Variants in LRRTM4 observed in about 807,000 individuals in gnomAD.
The protein encoded by LRRTM4 is leucine-rich repeat transmembrane neuronal protein 4.
In LRRTM4, 25 loss-of-function variants were observed where a neutral mutation model predicts 47.6. The observed-to-expected ratio is 0.53, with a 90% CI of 0.38 to 0.73. LRRTM4 has a LOEUF of 0.73. LRRTM4 is among the 30% of genes least tolerant of loss of function. The pLI is 0.00. For missense variants in LRRTM4, 638 were observed against 713.4 expected, an observed-to-expected ratio of 0.89 and a Z score of 1.20; for synonymous variants, 311 against 269.5, an observed-to-expected ratio of 1.15 and a Z score of -1.51.
At chr2:76,969,792 T>G (rs1212699847) in intron 3 of LRRTM4, among the ~76,000 whole-genome samples, 1 of 152,000 alleles carries the variant, frequency 6.6e-6, no homozygotes, top group African/African-American at 2.4e-5. Flanking sequence ...TTATCTTCAT[T>G]AAACCTCACA....
chr2:77,459,060 A>T (rs1466056178), intron 3 of LRRTM4, among the ~76,000 whole-genome samples: 3 of 152,044 alleles, frequency 2.0e-5, no homozygotes, highest in African/African-American at 7.2e-5. Flanking sequence ...GAAATACATC[A>T]CAATCTGTTA....
chr2:77,083,822 T>TC (rs1680610027), intron 3 of LRRTM4, among the ~76,000 whole-genome samples: 3 of 119,838 alleles, frequency 2.5e-5, no homozygotes, highest in Admixed American at 9.3e-5. Context: ...TTTTTTTTTT[T>TC]CAGACGGAGT....
Position 76,934,991 on chromosome 2 carries a change from T to A in LRRTM4, c.1552-186075A>T, listed in dbSNP as rs1034834490. On this transcript the variant is annotated intron_variant, in intron 3 of 3. Transcript: ENST00000409884. ...AGGAAAAAAAAAAAGATGACTTAGA[T>A]AGGAATTTTAATTAAATATGCTGAT... Among the ~76,000 whole-genome samples, 5 of 150,578 alleles carry A rather than the reference T, an allele frequency of 3.3e-5. No homozygotes were observed. In the East Asian group the frequency reaches 7.7e-4, roughly 23 times the overall value.
At chr2:77,231,360 C>T (rs778293147) in intron 3 of LRRTM4, among the ~76,000 whole-genome samples, 13 of 152,116 alleles carry the variant, frequency 8.5e-5, no homozygotes, top group South Asian at 2.1e-4. Flanking sequence ...AAAATTATAA[C>T]GGAATCTTAT....
At chr2:77,379,294 C>T (rs76994718) in intron 3 of LRRTM4, among the ~76,000 whole-genome samples, 11 of 151,928 alleles carry the variant, frequency 7.2e-5, no homozygotes, top group East Asian at 3.9e-4. Context: ...TTTTTTCCCC[C>T]GCTATCTTTT....
intron 3 of LRRTM4, among the ~76,000 whole-genome samples, chr2:77,319,687 T>A (rs1358969588): frequency 2.0e-5 from 3 of 152,134 alleles, no homozygotes; most frequent in African/African-American, 7.2e-5. Flanking sequence ...CAAATAGGAG[T>A]GTATGTCGTA....
intron 3 of LRRTM4, among the ~76,000 whole-genome samples, chr2:77,018,352 A>G (rs905483453): frequency 2.0e-5 from 3 of 147,744 alleles, no homozygotes; most frequent in African/African-American, 5.0e-5. Context: ...TGATACCAGC[A>G]GGACTCCTAA....
chr2:77,155,862 A>G (rs973089327), intron 3 of LRRTM4, among the ~76,000 whole-genome samples: 20 of 152,156 alleles, frequency 1.3e-4, no homozygotes, highest in Admixed American at 2.6e-4. Flanking sequence ...AAAAATATCT[A>G]TCACATAACA....
chr2:77,343,315 T>C (rs1315120135), intron 3 of LRRTM4, among the ~76,000 whole-genome samples: 1 of 151,940 alleles, frequency 6.6e-6, no homozygotes, highest in Non-Finnish European at 1.5e-5. Flanking sequence ...AATAGATTTT[T>C]CCATGGAAAA....
intron 3 of LRRTM4, among the ~76,000 whole-genome samples, chr2:76,790,342 G>GAA (rs1674907903): frequency 6.6e-6 from 1 of 152,000 alleles, no homozygotes; most frequent in African/African-American, 2.4e-5. Flanking sequence ...TCTGAATAAA[G>GAA]AAAGAAACAT....
intron 3 of LRRTM4, chr2:77,516,853 G>A (rs1679224854): frequency 1.2e-5 from 12 of 984,668 alleles, no homozygotes; most frequent in Non-Finnish European, 1.4e-5. Context: ...CAAATTCAGT[G>A]CTTTGTCTGA....
At chr2:77,094,864 G>A (rs1651732368) in intron 3 of LRRTM4, among the ~76,000 whole-genome samples, 1 of 152,080 alleles carries the variant, frequency 6.6e-6, no homozygotes, top group African/African-American at 2.4e-5. Context: ...CCATGACATT[G>A]GTCTGGACAA....
At position 76,999,694 on chromosome 2, in the gene LRRTM4, T is replaced by C. The variant is rs78470976; in HGVS notation, c.1552-250778A>G. 5.3e-3 allele frequency among the ~76,000 whole-genome samples: 800 copies of C among 152,294 alleles called. 7 individuals carry two copies. The highest frequency in any genetic ancestry group is 0.018 in the African/African-American group (766 of 41,570). ...AGAAACAATCTACATGTATCTGGCA[T>C]ACTGAATTTTCTTCACCCAGATAAT... is the stretch of plus-strand genomic sequence containing the variant. On this transcript the variant is annotated intron_variant, in intron 3 of 3. Coordinates refer to ENST00000409884, the MANE Select transcript of LRRTM4 (RefSeq NM_001134745.3).
intron 3 of LRRTM4, among the ~76,000 whole-genome samples, chr2:77,314,635 A>G (rs1677565238): frequency 6.6e-6 from 1 of 152,202 alleles, no homozygotes; most frequent in African/African-American, 2.4e-5. Context: ...AAATTTTCCT[A>G]TCTGAAAGAT....
At chr2:76,814,026 G>A (rs933438313) in intron 3 of LRRTM4, among the ~76,000 whole-genome samples, 24 of 152,024 alleles carry the variant, frequency 1.6e-4, no homozygotes, top group African/African-American at 5.6e-4. Context: ...CTCTGACTGT[G>A]TCTCAGACTT....
intron 3 of LRRTM4, among the ~76,000 whole-genome samples, chr2:77,116,417 G>T (rs1473963915): frequency 6.6e-6 from 1 of 151,958 alleles, no homozygotes; most frequent in Non-Finnish European, 1.5e-5. Context: ...TAAGAATAAA[G>T]AACCCAATGA....
intron 3 of LRRTM4, among the ~76,000 whole-genome samples, chr2:77,166,377 C>T (rs116270815): frequency 6.6e-6 from 1 of 152,276 alleles, no homozygotes; most frequent in African/African-American, 2.4e-5. Context: ...AATGTCCACA[C>T]TGTCCAAGAT....
At chr2:77,265,115 C>A (rs1676016612) in intron 3 of LRRTM4, among the ~76,000 whole-genome samples, 2 of 152,034 alleles carry the variant, frequency 1.3e-5, no homozygotes, top group Non-Finnish European at 2.9e-5. Flanking sequence ...AAAGAGGCTT[C>A]ACATACAATA....
chr2:77,359,678 A>G, intron 3 of LRRTM4, among the ~76,000 whole-genome samples: 1 of 152,200 alleles, frequency 6.6e-6, no homozygotes, highest in East Asian at 1.9e-4. Context: ...CACATTTTTC[A>G]TTGGCCAAGG....
Sources: gnomAD v4.1 joint callset for allele counts (sites outside exome capture counted in the v4.1 genomes callset) on GRCh38, gnomAD v4.1.1 for gene constraint, MANE v1.5 for transcripts, NCBI Gene and HGNC (gene_info 2026-07-23, HGNC 2026-07-21) for gene names.